Variants in PRKG1 observed in about 807,000 individuals in gnomAD.
PRKG1 encodes the protein protein kinase cGMP-dependent 1, also known as cGMP-dependent protein kinase 1.
A neutral mutation model predicts 88.1 loss-of-function variants in PRKG1; 35 were observed. That is an observed-to-expected ratio of 0.40 (90% CI 0.30 to 0.53). The LOEUF is 0.53. Among genes scored for constraint, PRKG1 ranks in the 20% least tolerant of loss-of-function variants. The pLI, the probability that PRKG1 is intolerant of heterozygous loss-of-function variation, is 0.59. For synonymous variants in PRKG1, 303 were observed against 292.5 expected (o/e 1.04, Z -0.37); for missense variants, 540 against 839.8 (o/e 0.64, Z 4.41).
In PRKG1 at chr10:51,497,618, C is replaced by G. The variant is rs148852732; in HGVS notation, c.592+29782C>G. Among the ~76,000 whole-genome samples the G allele has an allele frequency of 4.3e-3, 656 of 152,250 alleles. 1 individual carries two copies. The highest frequency in any genetic ancestry group is 0.015 in the African/African-American group (625 of 41,550). ...CCAGTGATGTGTCTGATGGATGTGT[C>G]TGTGTTGATATTTCTGACAAAGAGC... On this transcript the variant is annotated intron_variant, in intron 3 of 17. Transcript: ENST00000373980.
At chr10:51,228,374 A>G (rs1838748523) in intron 2 of PRKG1, among the ~76,000 whole-genome samples, 1 of 152,100 alleles carries the variant, frequency 6.6e-6, no homozygotes, top group African/African-American at 2.4e-5. Context: ...TTCTTCCTGA[A>G]ATTTGCTTCC....
chr10:51,843,442 C>A (rs1003835666), intron 4 of PRKG1, among the ~76,000 whole-genome samples: 4 of 152,146 alleles, frequency 2.6e-5, no homozygotes, highest in Non-Finnish European at 4.4e-5. Flanking sequence ...CCTATGTAGG[C>A]AGCTTAATAT....
intron 4 of PRKG1, among the ~76,000 whole-genome samples, chr10:51,877,501 A>G (rs1012466789): frequency 2.6e-5 from 4 of 152,204 alleles, no homozygotes; most frequent in African/African-American, 7.2e-5. Flanking sequence ...GTATTTGATT[A>G]CATATTTTAT....
chr10:51,414,279 G>T (rs1467481404), intron 2 of PRKG1, among the ~76,000 whole-genome samples: 1 of 152,166 alleles, frequency 6.6e-6, no homozygotes, highest in Non-Finnish European at 1.5e-5. Flanking sequence ...AAGAATGATG[G>T]GTAGGTCCAA....
intron 3 of PRKG1, among the ~76,000 whole-genome samples, chr10:51,511,678 T>TCTAC (rs1420871008): frequency 2.0e-5 from 3 of 152,192 alleles, no homozygotes; most frequent in African/African-American, 7.2e-5. Context: ...AAAGACTGGC[T>TCTAC]CTACCAACTG....
intron 5 of PRKG1, among the ~76,000 whole-genome samples, chr10:52,010,696 C>A (rs957952255): frequency 6.6e-6 from 1 of 152,204 alleles, no homozygotes; most frequent in Non-Finnish European, 1.5e-5. Flanking sequence ...GGCCTTCCCA[C>A]TCCCCACTTG....
At chr10:51,500,592 T>C (rs772193745) in intron 3 of PRKG1, among the ~76,000 whole-genome samples, 45 of 152,206 alleles carry the variant, frequency 3.0e-4, no homozygotes, top group Non-Finnish European at 6.0e-4. Context: ...TTGGGGCTGA[T>C]AGTATTATAT....
intron 2 of PRKG1, chr10:51,319,936 AT>A: frequency 1.9e-5 from 4 of 207,864 alleles, no homozygotes; most frequent in Admixed American, 4.8e-5. Flanking sequence ...TCAATGGCAC[AT>A]TTTCCTTATC....
intron 9 of PRKG1, among the ~76,000 whole-genome samples, chr10:52,199,404 C>T (rs1388728888): frequency 6.6e-6 from 1 of 152,158 alleles, no homozygotes; most frequent in Non-Finnish European, 1.5e-5. Flanking sequence ...GCTATGTATT[C>T]TAACCAGACC....
At chr10:51,698,534 C>G in intron 3 of PRKG1, 1 of 1,614,132 alleles carries the variant, frequency 6.2e-7, no homozygotes, top group Non-Finnish European at 8.5e-7. Context: ...CAAAGTCCCT[C>G]CACGTGGGTC....
chr10:51,675,574 C>G (rs1029871367), intron 3 of PRKG1, among the ~76,000 whole-genome samples: 2 of 152,130 alleles, frequency 1.3e-5, no homozygotes, highest in African/African-American at 2.4e-5. Context: ...AGTACTTACT[C>G]AAAAGCATTT....
chr10:51,543,328 G>A (rs915611461), intron 3 of PRKG1, among the ~76,000 whole-genome samples: 2 of 152,160 alleles, frequency 1.3e-5, no homozygotes, highest in African/African-American at 4.8e-5. Flanking sequence ...GTTTTTGTCA[G>A]TGATTAAAAT....
At chr10:51,081,015 G>A (rs7074573) in intron 1 of PRKG1, among the ~76,000 whole-genome samples, 135,733 of 152,260 alleles carry the variant, frequency 0.89, 60,718 homozygotes, top group African/African-American at 0.97. Context: ...TTAACACAAT[G>A]TGGAACTAAT....
intron 3 of PRKG1, among the ~76,000 whole-genome samples, chr10:51,482,149 C>A (rs1353800336): frequency 6.6e-6 from 1 of 152,170 alleles, no homozygotes; most frequent in Non-Finnish European, 1.5e-5. Flanking sequence ...TCTTCCAGTA[C>A]AAACTACTCA....
chr10:51,804,272 C>A (rs1172952842), intron 3 of PRKG1, among the ~76,000 whole-genome samples: 1 of 152,108 alleles, frequency 6.6e-6, no homozygotes, highest in Non-Finnish European at 1.5e-5. Flanking sequence ...TCATATATAG[C>A]CTTGATTTAC....
chr10:52,061,647 A>G (rs1846238226), intron 6 of PRKG1, among the ~76,000 whole-genome samples: 1 of 152,126 alleles, frequency 6.6e-6, no homozygotes, highest in African/African-American at 2.4e-5. Context: ...ACAATTTACA[A>G]CTATTTATTG....
intron 1 of PRKG1, among the ~76,000 whole-genome samples, chr10:51,006,715 T>A (rs1384625627): frequency 6.6e-6 from 1 of 151,864 alleles, no homozygotes; most frequent in African/African-American, 2.4e-5. Flanking sequence ...TCACGCCCCC[T>A]CCCCACCACC....
intron 5 of PRKG1, among the ~76,000 whole-genome samples, chr10:52,039,447 T>C (rs1845702013): frequency 6.6e-6 from 1 of 151,982 alleles, no homozygotes; most frequent in Non-Finnish European, 1.5e-5. Flanking sequence ...TCAGTTAAGG[T>C]GGGGCAGGGC....
chr10:51,370,051 A>G (rs953094999), intron 2 of PRKG1, among the ~76,000 whole-genome samples: 10 of 152,072 alleles, frequency 6.6e-5, no homozygotes, highest in Non-Finnish European at 1.3e-4. Flanking sequence ...TGATGATGAG[A>G]TGAGTAATTT....
Sources: gnomAD v4.1 joint callset for allele counts (sites outside exome capture counted in the v4.1 genomes callset) on GRCh38, gnomAD v4.1.1 for gene constraint, MANE v1.5 for transcripts, NCBI Gene and HGNC (gene_info 2026-07-23, HGNC 2026-07-21) for gene names.